The following NKD1 variants were observed in gnomAD, a reference collection of about 807,000 sequenced individuals.
NKD1 encodes NKD inhibitor of Wnt signaling pathway 1, also known as protein naked cuticle homolog 1.
In NKD1, 21 loss-of-function variants were observed where a neutral mutation model predicts 56.0. The ratio of observed to expected loss-of-function variants is 0.38; its 90% CI spans 0.27 to 0.54. The LOEUF is 0.54. Ranked by LOEUF, NKD1 falls within the 20% of genes least tolerant of loss-of-function variation. NKD1 has a pLI of 0.82. For missense variants in NKD1, 578 were observed against 642.7 expected (o/e 0.90, Z 1.09); for synonymous variants, 263 against 265.7 (o/e 0.99, Z 0.10).
chr16:50,589,757 CTCT>C (rs1961318064), intron 3 of NKD1, among the ~76,000 whole-genome samples: 1 of 77,288 alleles, frequency 1.3e-5, no homozygotes, highest in Non-Finnish European at 2.6e-5. Flanking sequence ...CTCTTCTCTT[CTCT>C]TCTCTCCTCT....
rs1295574132 is a variant in NKD1 at position 50,647,698 on chromosome 16, A to G, written c.*13917A>G. On this transcript the variant is annotated 3_prime_UTR_variant, in exon 10 of 10. Transcript: ENST00000268459. ...ATTTCTGTGCATAGGCATAGGCTTC[A>G]GCAGAATTGCAGGTACTGGCAGTCG... 3 of 152,274 alleles carry G rather than the reference A, an allele frequency of 2.0e-5. No individual in the cohort carries two copies. Among genetic ancestry groups the G allele is most frequent in the Admixed American group, 1.3e-4 (2 of 15,286 alleles). 9.4% of individuals were successfully genotyped at this position (152,274 alleles called of 1,614,324 possible).
intron 4 of NKD1, among the ~76,000 whole-genome samples, chr16:50,615,582 A>G (rs758759688): frequency 2.5e-4 from 38 of 152,338 alleles, no homozygotes; most frequent in Non-Finnish European, 5.1e-4. Flanking sequence ...TGGCAGGCTC[A>G]GAAAAGGGAA....
At chr16:50,615,656 C>A in intron 4 of NKD1, among the ~76,000 whole-genome samples, 1 of 152,148 alleles carries the variant, frequency 6.6e-6, no homozygotes, top group East Asian at 1.9e-4. Flanking sequence ...GCCTTTGGAC[C>A]CCTCCTTAGG....
rs533206550 is a variant in NKD1, at chr16:50,648,456, T to A, written c.*14675T>A. On this transcript the variant is annotated 3_prime_UTR_variant, in exon 10 of 10. Coordinates refer to ENST00000268459, the MANE Select transcript of NKD1 (RefSeq NM_033119.5). ...GGGGTCAGATGGATAATTGCCATCA[T>A]CCTCACCAAGTTGCCACTGGACTTT... 2.7e-4 allele frequency: 41 copies of A among 152,642 alleles called. No homozygotes were observed. Among genetic ancestry groups the A allele is most frequent in the African/African-American group, 9.9e-4 (41 of 41,566 alleles). The allele number at this position is 152,642 out of a possible 1,614,324, so 9.5% of individuals were successfully genotyped here.
At chr16:50,609,992 G>A (rs1961807806) in intron 4 of NKD1, among the ~76,000 whole-genome samples, 1 of 152,114 alleles carries the variant, frequency 6.6e-6, no homozygotes, top group Non-Finnish European at 1.5e-5. Flanking sequence ...TCCAAACATG[G>A]GAGGAGACTT....
At chr16:50,572,190 TG>T (rs1960899600) in intron 3 of NKD1, among the ~76,000 whole-genome samples, 2 of 152,234 alleles carry the variant, frequency 1.3e-5, no homozygotes, top group African/African-American at 4.8e-5. Flanking sequence ...TGGTCATTTG[TG>T]ACTTATTCAT....
intron 3 of NKD1, among the ~76,000 whole-genome samples, chr16:50,589,254 C>T (rs1276482731): frequency 6.6e-6 from 1 of 152,164 alleles, no homozygotes; most frequent in East Asian, 1.9e-4. Context: ...TCTCATAGAA[C>T]ATTTCAGACA....
chr16:50,625,131 A>C, intron 5 of NKD1: 1 of 324,888 alleles, frequency 3.1e-6, no homozygotes, highest in Non-Finnish European at 5.9e-6. Context: ...GGGGCTCCCA[A>C]ATTGCCGCTC....
intron 3 of NKD1, among the ~76,000 whole-genome samples, chr16:50,588,476 T>A (rs971261660): frequency 6.6e-6 from 1 of 152,154 alleles, no homozygotes; most frequent in Non-Finnish European, 1.5e-5. Flanking sequence ...TTGGCTGAAA[T>A]GAAGCAGCAG....
intron 3 of NKD1, chr16:50,574,914 G>A (rs1960959786): frequency 2.0e-6 from 2 of 985,278 alleles, no homozygotes; most frequent in African/African-American, 1.7e-5. Context: ...ATTTATGGAA[G>A]CCTTGGAAAC....
chr16:50,590,238 T>C (rs565721931), intron 3 of NKD1, among the ~76,000 whole-genome samples: 3 of 152,302 alleles, frequency 2.0e-5, no homozygotes, highest in Admixed American at 6.5e-5. Context: ...TCCAGAACTC[T>C]TGGGCTTAAC....
intron 1 of NKD1, 36 bp from the exon 2 acceptor site, chr16:50,548,681 T>TGCCGCCGCCGCCGCC (rs544250205): frequency 3.4e-6 from 5 of 1,460,700 alleles, no homozygotes; most frequent in East Asian, 6.0e-5. Context: ...CCGCCGCGGC[T>TGCCGCCGCCGCCGCC]GCCGCCGCCG....
rs1195855070 is a variant in NKD1 at position 50,646,308 on chromosome 16, A to T, written c.*12527A>T. The T allele has an allele frequency of 1.3e-5, 2 of 151,516 alleles. No individual in the cohort carries two copies. The highest frequency in any genetic ancestry group is 2.9e-5 in the Non-Finnish European group (2 of 67,908). The allele number at this position is 151,516 out of a possible 1,614,324, so 9.4% of individuals were successfully genotyped here. ...CAAAGCTGAGTGTGTGGATAATGCA[A>T]ATTGCTGAAATATGAGATTTTCCCT... On this transcript the variant is annotated 3_prime_UTR_variant, in exon 10 of 10. Coordinates refer to ENST00000268459, the MANE Select transcript of NKD1 (RefSeq NM_033119.5).
In NKD1 at chr16:50,625,473, C is replaced by T. The variant is rs375568346; in HGVS notation, c.367-12C>T. 3.1e-6 allele frequency: 5 copies of T among 1,594,870 alleles called. No homozygotes were observed. The highest frequency in any genetic ancestry group is 1.3e-5 in the African/African-American group (1 of 74,690). ...GATAGGGGACCAGCCCCGCCCATCT[C>T]TCTGCATCCAGGAGCTCCAGTGCGA... On this transcript the variant is annotated splice_polypyrimidine_tract_variant and intron_variant, in intron 5 of 9. Transcript: ENST00000268459.
rs984390222 is a variant in NKD1 at position 50,623,317 on chromosome 16, G to A, written c.366+1609G>A. 3.9e-5 allele frequency among the ~76,000 whole-genome samples: 6 copies of A among 152,082 alleles called. No individual in the cohort carries two copies. The highest frequency in any genetic ancestry group is 8.8e-5 in the Non-Finnish European group (6 of 67,982). On this transcript the variant is annotated intron_variant, in intron 5 of 9. Transcript: ENST00000268459. This position sits in a 1 kb window ranked among gnomAD's most constrained non-coding sequence, Gnocchi z 4.1. ...CTTGTTCTCCCCACACAGCACAGGA[G>A]CACTCCAGCCTCCAAGAGGCTTGAA...
At chr16:50,609,468 TG>T (rs1192461572) in intron 4 of NKD1, among the ~76,000 whole-genome samples, 2 of 151,836 alleles carry the variant, frequency 1.3e-5, no homozygotes, top group African/African-American at 4.8e-5. Flanking sequence ...GCTGGAGAGC[TG>T]GGGGGCCATG....
At chr16:50,592,870 A>G (rs1263373500) in intron 3 of NKD1, among the ~76,000 whole-genome samples, 3 of 152,118 alleles carry the variant, frequency 2.0e-5, no homozygotes, top group African/African-American at 7.2e-5. Flanking sequence ...TAGGGACGGC[A>G]TCCCTGGTCC....
chr16:50,567,005 G>C (rs915157460), intron 3 of NKD1, among the ~76,000 whole-genome samples: 9 of 147,590 alleles, frequency 6.1e-5, no homozygotes, highest in East Asian at 5.9e-4. Context: ...AGTTTTTATG[G>C]CCCCCCCCCT....
At chr16:50,629,358 G>A (rs1281826948) in intron 6 of NKD1, among the ~76,000 whole-genome samples, 1 of 152,162 alleles carries the variant, frequency 6.6e-6, no homozygotes, top group African/African-American at 2.4e-5. Context: ...AATCACATTG[G>A]GGGTTAGGGC....
Sources: allele counts gnomAD v4.1 joint callset (sites outside exome capture counted in the v4.1 genomes callset), GRCh38; gene constraint gnomAD v4.1.1; non-coding constraint Gnocchi (gnomAD v3.1); transcripts MANE v1.5; gene names NCBI Gene and HGNC (gene_info 2026-07-23, HGNC 2026-07-21).